HMG20A: variants seen among roughly 807,000 people sequenced by gnomAD.
HMG20A encodes high mobility group 20A.
Under a neutral mutation model 43.9 loss-of-function variants are expected in HMG20A, and 17 were observed. The observed-to-expected ratio is 0.39, with a 90% CI of 0.27 to 0.58. The LOEUF (loss-of-function observed/expected upper bound fraction) is 0.58, where lower values mean the gene tolerates loss of function less well. Among genes scored for constraint, HMG20A ranks in the 20% least tolerant of loss-of-function variants. The pLI is 0.59. For missense variants in HMG20A, 341 were observed against 438.2 expected, an observed-to-expected ratio of 0.78 and a Z score of 1.98; for synonymous variants, 132 against 147.5, an observed-to-expected ratio of 0.89 and a Z score of 0.76.
chr15:77,429,506 A>G (rs961852463), intron 1 of HMG20A, among the ~76,000 whole-genome samples: 2 of 152,062 alleles, frequency 1.3e-5, no homozygotes, highest in Non-Finnish European at 2.9e-5. Flanking sequence ...GCTTGATGGC[A>G]TCATAATTAT....
At chr15:77,440,715 A>G (rs1476709758) in intron 1 of HMG20A, among the ~76,000 whole-genome samples, 1 of 152,206 alleles carries the variant, frequency 6.6e-6, no homozygotes, top group Non-Finnish European at 1.5e-5. Context: ...TTTTCTGCCC[A>G]GAAGAATCAT....
At chr15:77,489,410 C>T (rs576914116), downstream of HMG20A, among the ~76,000 whole-genome samples, 1 of 152,270 alleles carries the variant, frequency 6.6e-6, no homozygotes, top group Admixed American at 6.5e-5. Flanking sequence ...CCACTATAGC[C>T]GTACTGTCTT....
At chr15:77,459,429 A>T (rs2072685718) in intron 2 of HMG20A, among the ~76,000 whole-genome samples, 1 of 152,264 alleles carries the variant, frequency 6.6e-6, no homozygotes, top group Non-Finnish European at 1.5e-5. Flanking sequence ...TGAGTCAGAC[A>T]ATAAACAGGA....
chr15:77,508,095 C>G, the HMG20A span, among the ~76,000 whole-genome samples: 2 of 152,196 alleles, frequency 1.3e-5, no homozygotes, highest in African/African-American at 4.8e-5. Flanking sequence ...ACAATGAGCA[C>G]ATTGTGCACA....
chr15:77,506,811 C>T, the HMG20A span, among the ~76,000 whole-genome samples: 1 of 152,240 alleles, frequency 6.6e-6, no homozygotes, highest in Non-Finnish European at 1.5e-5. Flanking sequence ...CCAGCCATGG[C>T]CCTTGTAGGC....
chr15:77,470,984 C>T lies in HMG20A; in HGVS notation c.525C>T (p.Ala175=), dbSNP rs760590615. ...KELEQYQKTE[A]YKVFSRKTQD... ...TGGAACAGTATCAGAAAACAGAGGC[C>T]TACAAGGTCTTCAGTAGGAAAACCC... The change falls in exon 5 of 10, where the codon GCC becomes GCT. Residue 175 remains alanine (A), a synonymous_variant. Transcript: ENST00000336216. 7 of 1,613,280 alleles carry T rather than the reference C, an allele frequency of 4.3e-6. No individual in the cohort carries two copies. The highest frequency in any genetic ancestry group is 5.9e-6 in the Non-Finnish European group (7 of 1,179,658).
intron 4 of HMG20A, among the ~76,000 whole-genome samples, chr15:77,467,995 C>T (rs567278888): frequency 9.8e-5 from 15 of 152,294 alleles, no homozygotes; most frequent in Admixed American, 6.5e-4. Flanking sequence ...ATTTCTTTTA[C>T]GTCTTAAACT....
At chr15:77,429,549 A>G (rs1595910730) in intron 1 of HMG20A, among the ~76,000 whole-genome samples, 1 of 152,350 alleles carries the variant, frequency 6.6e-6, no homozygotes, top group East Asian at 1.9e-4. Flanking sequence ...AGTAGCAGTT[A>G]TATCAACAAA....
chr15:77,443,300 T>C (rs2073633343), intron 1 of HMG20A, among the ~76,000 whole-genome samples: 1 of 150,624 alleles, frequency 6.6e-6, no homozygotes, highest in Non-Finnish European at 1.5e-5. Flanking sequence ...CCCAACACTT[T>C]GAACATTTTG....
the HMG20A span, among the ~76,000 whole-genome samples, chr15:77,498,353 C>T: frequency 6.6e-6 from 1 of 152,190 alleles, no homozygotes; most frequent in Non-Finnish European, 1.5e-5. Context: ...AATCTAGGCA[C>T]GTCTAGAGCT....
intron 6 of HMG20A, among the ~76,000 whole-genome samples, chr15:77,477,193 A>G (rs370286261): frequency 3.9e-5 from 6 of 152,372 alleles, no homozygotes; most frequent in East Asian, 1.9e-4. Flanking sequence ...GACTGAAAAA[A>G]AACTACTCTT....
chr15:77,466,237 T>A (rs552721352), intron 3 of HMG20A, among the ~76,000 whole-genome samples: 50 of 152,260 alleles, frequency 3.3e-4, no homozygotes, highest in African/African-American at 1.2e-3. Context: ...AAAAATTAGC[T>A]GGGTGTGGTG....
At chr15:77,474,497 A>G (rs185650217) in intron 6 of HMG20A, among the ~76,000 whole-genome samples, 79 of 152,372 alleles carry the variant, frequency 5.2e-4, no homozygotes, top group African/African-American at 1.9e-3. Flanking sequence ...ATAGTCTAAC[A>G]TTCTTGACAG....
Position 77,479,301 on chromosome 15 carries a change from A to G in HMG20A, c.1030A>G (p.Arg344Gly). 6.2e-7 allele frequency: 1 copy of G among 1,613,908 alleles called. No individual in the cohort carries two copies. Among genetic ancestry groups the G allele is most frequent in the South Asian group, 1.1e-5 (1 of 91,048 alleles). ...FIATVREVVN[R>G]LDR ...AGCTACAGTTCGAGAAGTTGTGAAC[A>G]GACTCGATCGTTAGGGAATGGTGAG... is the stretch of plus-strand genomic sequence containing the variant. Residue 344 changes from arginine (R) to glycine (G), a missense_variant, in exon 9 of 10, where the codon AGA (arginine) becomes GGA (glycine). By Grantham distance (125) the Arg-to-Gly change is moderately radical. Transcript: ENST00000336216.
chr15:77,488,107 A>G (rs1295123937), downstream of HMG20A, among the ~76,000 whole-genome samples: 1 of 152,222 alleles, frequency 6.6e-6, no homozygotes, highest in Admixed American at 6.5e-5. Context: ...GCCAATGCAG[A>G]TTTTCCAGAT....
the HMG20A span, among the ~76,000 whole-genome samples, chr15:77,512,159 C>A: frequency 6.6e-6 from 1 of 151,874 alleles, no homozygotes; most frequent in Admixed American, 6.6e-5. Flanking sequence ...AAGCCAGTCA[C>A]AAAAGGACAA....
the HMG20A span, among the ~76,000 whole-genome samples, chr15:77,516,997 A>G: frequency 1.3e-5 from 2 of 152,108 alleles, no homozygotes; most frequent in South Asian, 2.1e-4. Context: ...CGTCCCGCAC[A>G]TGTCAGTCCC....
intron 1 of HMG20A, among the ~76,000 whole-genome samples, chr15:77,446,579 G>A (rs983702069): frequency 2.3e-4 from 35 of 152,196 alleles, no homozygotes; most frequent in African/African-American, 6.7e-4. Context: ...AGGCCGAGGC[G>A]GGTGGATCAC....
At chr15:77,469,018 A>G (rs777307121) in intron 4 of HMG20A, among the ~76,000 whole-genome samples, 3 of 150,886 alleles carry the variant, frequency 2.0e-5, no homozygotes, top group South Asian at 2.1e-4. Context: ...TTAACAGAAC[A>G]TTGCTCATTG....
Sources: gnomAD v4.1 joint callset for allele counts (sites outside exome capture counted in the v4.1 genomes callset) on GRCh38, gnomAD v4.1.1 for gene constraint, MANE v1.5 for transcripts, NCBI Gene and HGNC (gene_info 2026-07-23, HGNC 2026-07-21) for gene names.